Variants in MYO19 observed in about 807,000 individuals in gnomAD.
MYO19 encodes the protein myosin XIX, also known as unconventional myosin-XIX.
Under a neutral mutation model 129.2 loss-of-function variants are expected in MYO19, and 132 were observed. That is an observed-to-expected ratio of 1.02 (90% confidence interval 0.89 to 1.18). The LOEUF is 1.18. Among genes scored for constraint, MYO19 ranks in the 50% most tolerant of loss-of-function variants. The pLI is 0.00. For missense variants in MYO19, 1,210 were observed against 1,216.7 expected, an observed-to-expected ratio of 0.99 and a Z score of 0.08; for synonymous variants, 531 against 477.2, an observed-to-expected ratio of 1.11 and a Z score of -1.47.
At chr17:36,522,024 T>G in intron 6 of MYO19, among the ~76,000 whole-genome samples, 1 of 68,280 alleles carries the variant, frequency 1.5e-5, no homozygotes, top group Admixed American at 1.7e-4. Context: ...AGCAAGACTG[T>G]CTTTAAAAAA....
chr17:36,508,082 A>C, intron 14 of MYO19, 158 bp from the exon 15 acceptor site: 1 of 675,774 alleles, frequency 1.5e-6, no homozygotes, highest in East Asian at 3.0e-5. Flanking sequence ...GGCAGAACAT[A>C]CCTTCCCCAC....
At chr17:36,532,443 G>A (rs1213907312) in intron 3 of MYO19, 84 bp downstream of exon 3, 23 of 1,497,512 alleles carry the variant, frequency 1.5e-5, no homozygotes, top group Non-Finnish European at 1.8e-5. Context: ...CCTTTAAGGG[G>A]GCTTTCCCTT....
chr17:36,521,706 T>C (rs749801029), intron 6 of MYO19, among the ~76,000 whole-genome samples: 1 of 152,146 alleles, frequency 6.6e-6, no homozygotes, highest in Non-Finnish European at 1.5e-5. Context: ...GAAATCACCA[T>C]TATGGACTGG....
chr17:36,538,796 C>G (rs1422696072), upstream of MYO19: 1 of 592,780 alleles, frequency 1.7e-6, no homozygotes, highest in African/African-American at 1.9e-5. Flanking sequence ...CTCTGTTACC[C>G]AGGCTGGAGT....
At chr17:36,525,414 T>C in intron 5 of MYO19, 73 bp from the exon 6 acceptor site, 1 of 1,135,544 alleles carries the variant, frequency 8.8e-7, no homozygotes, top group South Asian at 1.3e-5. Flanking sequence ...CAATGATGAC[T>C]GAGATGGGGA....
intron 9 of MYO19, among the ~76,000 whole-genome samples, chr17:36,514,116 T>C (rs1471638258): frequency 6.6e-6 from 1 of 152,144 alleles, no homozygotes; most frequent in Non-Finnish European, 1.5e-5. Context: ...AGGGAAGCCC[T>C]TGTTCTGTTA....
chr17:36,529,142 C>T (rs72818367), intron 3 of MYO19, among the ~76,000 whole-genome samples: 7,631 of 151,502 alleles, frequency 0.05, 313 homozygotes, highest in East Asian at 0.16. Flanking sequence ...CCTTTCTCCT[C>T]CCTTGCCTAT....
upstream of MYO19, among the ~76,000 whole-genome samples, chr17:36,543,728 G>A (rs1374404235): frequency 6.6e-6 from 1 of 152,112 alleles, no homozygotes; most frequent in Admixed American, 6.5e-5. Context: ...GGGTTCAAGT[G>A]ATTGTCCCGT....
chr17:36,511,604 A>G (rs936187932), intron 11 of MYO19, 149 bp from the exon 12 acceptor site: 5 of 723,688 alleles, frequency 6.9e-6, no homozygotes, highest in Non-Finnish European at 1.2e-5. Context: ...ACACAATTCT[A>G]TACAAGTTAC....
intron 3 of MYO19, among the ~76,000 whole-genome samples, chr17:36,528,404 G>A (rs552911761): frequency 1.3e-5 from 2 of 152,064 alleles, no homozygotes; most frequent in East Asian, 3.9e-4. Context: ...CCAGCTACTC[G>A]GAAGGCTGAG....
chr17:36,537,353 C>T (rs370251219), upstream of MYO19: 30 of 1,613,748 alleles, frequency 1.9e-5, no homozygotes, highest in Middle Eastern at 1.6e-4. Context: ...TTGAGCTTCT[C>T]GGTGTAATTA....
upstream of MYO19, chr17:36,538,175 A>G (rs2142620401): frequency 1.2e-6 from 2 of 1,613,898 alleles, no homozygotes; most frequent in East Asian, 4.5e-5. Context: ...ACGTAGTTCA[A>G]GTAAATGTAG....
At chr17:36,510,008 C>G (rs1462366611) in intron 13 of MYO19, 1 of 152,272 alleles carries the variant, frequency 6.6e-6, no homozygotes. Flanking sequence ...TCTGGTTCCC[C>G]CAGCAGAGCT....
intron 1 of MYO19, among the ~76,000 whole-genome samples, chr17:36,534,416 G>A (rs1599458138): frequency 1.3e-5 from 2 of 152,292 alleles, no homozygotes; most frequent in Non-Finnish European, 1.5e-5. Context: ...CCCAGCCAAG[G>A]GCGCAGCTGC....
chr17:36,539,398 TG>T, upstream of MYO19: 1 of 166,452 alleles, frequency 6.0e-6, no homozygotes, highest in Admixed American at 6.5e-5. Context: ...CACTCCAATG[TG>T]CAGATGGGTG....
At chr17:36,501,347 C>T in intron 21 of MYO19, 112 bp from the exon 22 acceptor site, 2 of 1,157,734 alleles carry the variant, frequency 1.7e-6, no homozygotes, top group Non-Finnish European at 1.2e-6. Context: ...TCCTGCTGTT[C>T]TTGGCTCTAG....
chr17:36,505,693 C>T (rs537585031), intron 18 of MYO19, among the ~76,000 whole-genome samples: 62 of 152,224 alleles, frequency 4.1e-4, no homozygotes, highest in Non-Finnish European at 7.2e-4. Flanking sequence ...TTCCCCTCCC[C>T]ACTTCTCCCC....
In MYO19 at chr17:36,498,774, A is replaced by G. The variant is rs2071234158; in HGVS notation, c.2464-215T>C. Reference sequence around the variant, plus strand: ...TTAGGCCTTACATATGCTACTTGAAAACAAGATAAGAGTCCATCAAGATAT... The same window carrying G: ...TTAGGCCTTACATATGCTACTTGAAGACAAGATAAGAGTCCATCAAGATAT... On this transcript the variant is annotated intron_variant, in intron 24 of 25. Transcript: ENST00000614623. 9.9e-6 allele frequency: 6 copies of G among 603,902 alleles called. No individual in the cohort carries two copies. The Admixed American group carries it at 1.8e-4, about 18-fold the overall frequency. The allele number at this position is 603,902 out of a possible 1,614,324, so 37.4% of individuals were successfully genotyped here.
At chr17:36,501,024 C>A in intron 22 of MYO19, 45 bp downstream of exon 22, 2 of 1,603,076 alleles carry the variant, frequency 1.2e-6, no homozygotes, top group Non-Finnish European at 1.7e-6. Context: ...CTGAGGAGAG[C>A]ACACAGCTTG....
Sources: gnomAD v4.1 joint callset for allele counts (sites outside exome capture counted in the v4.1 genomes callset) on GRCh38, gnomAD v4.1.1 for gene constraint, MANE v1.5 for transcripts, NCBI Gene and HGNC (gene_info 2026-07-23, HGNC 2026-07-21) for gene names.